Variants in NKAIN2 observed in about 807,000 individuals in gnomAD.
NKAIN2 encodes sodium/potassium-transporting ATPase subunit beta-1-interacting protein 2.
NKAIN2 carries 14 observed loss-of-function variants against 32.6 expected under a neutral mutation model. The ratio of observed to expected loss-of-function variants is 0.43; its 90% confidence interval spans 0.28 to 0.67. The LOEUF is 0.67. Ranked by LOEUF, NKAIN2 falls within the 30% of genes least tolerant of loss-of-function variation. The probability of loss-of-function intolerance (pLI) is 0.17; values close to 1 mark genes in which losing one functional copy is unlikely to be tolerated. For synonymous variants in NKAIN2, 80 were observed against 87.2 expected (o/e 0.92, Z 0.46); for missense variants, 198 against 258.3 (o/e 0.77, Z 1.60).
intron 1 of NKAIN2, among the ~76,000 whole-genome samples, chr6:124,207,660 TA>T (rs1432042874): frequency 1.3e-5 from 2 of 151,862 alleles, no homozygotes; most frequent in Non-Finnish European, 2.9e-5. Flanking sequence ...AAATGAACTT[TA>T]AAAATACTGA....
chr6:124,108,517 C>G (rs929522298), intron 1 of NKAIN2, among the ~76,000 whole-genome samples: 1 of 151,980 alleles, frequency 6.6e-6, no homozygotes, highest in Non-Finnish European at 1.5e-5. Flanking sequence ...ATTATTTCCT[C>G]TGTTCTGCAG....
At chr6:124,414,935 A>G (rs1419510102) in intron 3 of NKAIN2, among the ~76,000 whole-genome samples, 1 of 151,924 alleles carries the variant, frequency 6.6e-6, no homozygotes, top group Non-Finnish European at 1.5e-5. Flanking sequence ...CCTCTCTAAG[A>G]ATCAGCTTTA....
At chr6:123,875,875 T>G (rs1399904095) in intron 1 of NKAIN2, among the ~76,000 whole-genome samples, 1 of 152,088 alleles carries the variant, frequency 6.6e-6, no homozygotes, top group Non-Finnish European at 1.5e-5. Context: ...TTGTGAAATT[T>G]CCTTTACAAA....
At chr6:124,134,641 A>G (rs750893098) in intron 1 of NKAIN2, among the ~76,000 whole-genome samples, 4 of 152,062 alleles carry the variant, frequency 2.6e-5, no homozygotes, top group Non-Finnish European at 4.4e-5. Flanking sequence ...CCAGAATTAC[A>G]CCACTGCACT....
chr6:124,729,467 ATC>A (rs1776536471), intron 4 of NKAIN2, among the ~76,000 whole-genome samples: 1 of 151,746 alleles, frequency 6.6e-6, no homozygotes, highest in Non-Finnish European at 1.5e-5. Context: ...CCACATGATT[ATC>A]TCAATAGATG....
intron 1 of NKAIN2, among the ~76,000 whole-genome samples, chr6:124,271,310 G>A (rs542785444): frequency 2.0e-5 from 3 of 152,124 alleles, no homozygotes; most frequent in Admixed American, 6.5e-5. Context: ...TCCACCTCCC[G>A]GGTTCACGCC....
intron 1 of NKAIN2, among the ~76,000 whole-genome samples, chr6:123,951,928 G>A (rs945441717): frequency 3.3e-5 from 5 of 150,164 alleles, no homozygotes; most frequent in South Asian, 2.1e-4. Context: ...ACAGTCTGGC[G>A]GTTTTCTATA....
At chr6:124,273,171 G>A (rs62434692) in intron 1 of NKAIN2, among the ~76,000 whole-genome samples, 1 of 152,116 alleles carries the variant, frequency 6.6e-6, no homozygotes, top group Non-Finnish European at 1.5e-5. Context: ...GGAAGAGGTG[G>A]AATGATATGT....
At chr6:124,013,996 T>C (rs1262733165) in intron 1 of NKAIN2, among the ~76,000 whole-genome samples, 1 of 152,172 alleles carries the variant, frequency 6.6e-6, no homozygotes, top group Non-Finnish European at 1.5e-5. Context: ...TTCTGATCTA[T>C]AGAACTATAG....
At chr6:124,229,188 A>T (rs1792291782) in intron 1 of NKAIN2, among the ~76,000 whole-genome samples, 1 of 152,186 alleles carries the variant, frequency 6.6e-6, no homozygotes, top group Admixed American at 6.6e-5. Context: ...AAGATGGAGG[A>T]AATGTACCAG....
chr6:124,123,827 C>T (rs1786013659), intron 1 of NKAIN2, among the ~76,000 whole-genome samples: 1 of 152,056 alleles, frequency 6.6e-6, no homozygotes, highest in Non-Finnish European at 1.5e-5. Context: ...CTCAAAACTG[C>T]AAGGAGATAC....
chr6:124,569,325 A>T (rs1276426568), intron 3 of NKAIN2, among the ~76,000 whole-genome samples: 1 of 152,148 alleles, frequency 6.6e-6, no homozygotes, highest in Non-Finnish European at 1.5e-5. Context: ...ACCAGAAGAA[A>T]GTTCTTACTT....
chr6:123,855,089 A>T (rs1775505311), intron 1 of NKAIN2, among the ~76,000 whole-genome samples: 1 of 152,230 alleles, frequency 6.6e-6, no homozygotes, highest in African/African-American at 2.4e-5. Context: ...ATACAAGAAA[A>T]TAGTATAAAT....
intron 1 of NKAIN2, among the ~76,000 whole-genome samples, chr6:124,177,573 A>T (rs1463829128): frequency 6.6e-6 from 1 of 152,172 alleles, no homozygotes; most frequent in Non-Finnish European, 1.5e-5. Context: ...CTATTTAGAA[A>T]TCTCTGCATA....
intron 2 of NKAIN2, among the ~76,000 whole-genome samples, chr6:124,306,383 T>A (rs1276968367): frequency 1.3e-5 from 2 of 152,084 alleles, no homozygotes; most frequent in East Asian, 3.8e-4. Context: ...CTGATATACA[T>A]TAGAAAGGCA....
At chr6:123,884,003 T>C (rs1372435349) in intron 1 of NKAIN2, among the ~76,000 whole-genome samples, 1 of 151,976 alleles carries the variant, frequency 6.6e-6, no homozygotes, top group Non-Finnish European at 1.5e-5. Context: ...TGCAGGTTTG[T>C]TACATAGATA....
chr6:124,265,059 G>A (rs922801419), intron 1 of NKAIN2, among the ~76,000 whole-genome samples: 24 of 151,922 alleles, frequency 1.6e-4, no homozygotes, highest in Admixed American at 1.3e-3. Flanking sequence ...AGCTATATAC[G>A]TGGATGTACA....
intron 2 of NKAIN2, among the ~76,000 whole-genome samples, chr6:124,303,947 G>A (rs1796404494): frequency 6.6e-6 from 1 of 152,160 alleles, no homozygotes; most frequent in African/African-American, 2.4e-5. Flanking sequence ...CAAATATTGG[G>A]CTTGGGTAAC....
chr6:123,922,262 A>G (rs1360512346), intron 1 of NKAIN2, among the ~76,000 whole-genome samples: 2 of 152,226 alleles, frequency 1.3e-5, no homozygotes, highest in African/African-American at 2.4e-5. Flanking sequence ...AATTAATGCT[A>G]TGTAGCCTCT....
Sources: allele counts gnomAD v4.1 joint callset (sites outside exome capture counted in the v4.1 genomes callset), GRCh38; gene constraint gnomAD v4.1.1; transcripts MANE v1.5; gene names NCBI Gene and HGNC (gene_info 2026-07-23, HGNC 2026-07-21).